GRIA3: variants seen among roughly 807,000 people sequenced by gnomAD.
GRIA3 encodes the protein glutamate receptor 3.
A neutral mutation model predicts 63.0 loss-of-function variants in GRIA3; 3 were observed. That is an observed-to-expected ratio of 0.05 (90% CI 0.02 to 0.12). The LOEUF (loss-of-function observed/expected upper bound fraction) is 0.12, where lower values mean the gene tolerates loss of function less well. Among genes scored for constraint, GRIA3 ranks in the 10% least tolerant of loss-of-function variants. The pLI is 1.00. For missense variants in GRIA3, 347 were observed against 700.9 expected, an observed-to-expected ratio of 0.50 and a Z score of 5.70; for synonymous variants, 274 against 257.9, an observed-to-expected ratio of 1.06 and a Z score of -0.60.
intron 2 of GRIA3, among the ~76,000 whole-genome samples, chrX:123,241,328 T>C (rs1423098737): frequency 9.0e-6 from 1 of 111,523 alleles, no homozygotes; most frequent in South Asian, 3.8e-4. Flanking sequence ...GTACAAAAAA[T>C]CAACAGCACA....
intron 11 of GRIA3, among the ~76,000 whole-genome samples, chrX:123,421,957 C>T (rs1413252129): frequency 2.7e-5 from 3 of 111,700 alleles, no homozygotes; most frequent in Non-Finnish European, 3.8e-5. Context: ...AAGGGAACAG[C>T]ACCCGAAGGA....
chrX:123,451,992 T>A (rs1168101529), intron 12 of GRIA3, among the ~76,000 whole-genome samples: 3 of 111,813 alleles, frequency 2.7e-5, no homozygotes, highest in Non-Finnish European at 5.6e-5. Flanking sequence ...GGAGATAATA[T>A]TGGTTTCACA....
chrX:123,219,914 T>G (rs1433482671), intron 2 of GRIA3, among the ~76,000 whole-genome samples: 1 of 112,625 alleles, frequency 8.9e-6, no homozygotes, highest in East Asian at 2.8e-4. Context: ...GTCAGTTCAC[T>G]CTGCCCCATG....
intron 10 of GRIA3, among the ~76,000 whole-genome samples, chrX:123,407,502 A>C (rs140917474): frequency 6.8e-4 from 75 of 110,823 alleles, no homozygotes; most frequent in Non-Finnish European, 1.0e-3. Context: ...TTTCAGGCTC[A>C]TAGATGGTAC....
chrX:123,306,875 T>A (rs1009039654), intron 3 of GRIA3, among the ~76,000 whole-genome samples: 3 of 111,690 alleles, frequency 2.7e-5, no homozygotes, highest in Non-Finnish European at 3.8e-5. Context: ...TGAAAATAAT[T>A]CTTCTTTGTC....
At chrX:123,224,006 C>A (rs751665624) in intron 2 of GRIA3, among the ~76,000 whole-genome samples, 60 of 111,694 alleles carry the variant, frequency 5.4e-4, no homozygotes, top group Non-Finnish European at 1.0e-3. Context: ...ATATTCACCA[C>A]TCTGCTGCAA....
At chrX:123,370,074 C>T (rs2045237858) in intron 5 of GRIA3, among the ~76,000 whole-genome samples, 1 of 111,479 alleles carries the variant, frequency 9.0e-6, no homozygotes, top group Admixed American at 9.6e-5. Context: ...TCAGTATTCG[C>T]ACCTACAATT....
intron 15 of GRIA3, 65 bp downstream of exon 15, chrX:123,483,111 C>CTTTTTTTTTTTTTTTTTTT: frequency 1.3e-6 from 1 of 741,868 alleles, no homozygotes; most frequent in Non-Finnish European, 2.0e-6. Context: ...TTTTTTTCTT[C>CTTTTTTTTTTTTTTTTTTT]TTTTTTTTTT....
chrX:123,489,082 TAC>T lies in GRIA3; in HGVS notation c.*406_*407del, dbSNP rs34745333. On this transcript the variant is annotated 3_prime_UTR_variant, in exon 16 of 16. Transcript: ENST00000620443. ...AGTATATAAACACCATGTTCTTTAATACACACACACACACACACACACACACA... is the reference window on the plus strand; with the variant it reads ...AGTATATAAACACCATGTTCTTTAATACACACACACACACACACACACACA... 2,346 of 94,117 alleles carry T rather than the reference TAC, an allele frequency of 0.025. 26 individuals are homozygous for T. The highest frequency in any genetic ancestry group is 0.063 in the Middle Eastern group (12 of 191). The allele number at this position is 94,117 out of a possible 1,213,427, so 7.8% of individuals were successfully genotyped here. A position where few individuals can be genotyped will look rare whatever the true frequency, so the allele number is the denominator to read the frequency against.
chrX:123,307,993 C>A lies in GRIA3; in HGVS notation c.509-18033C>A, dbSNP rs146892668. Among the ~76,000 whole-genome samples the A allele has an allele frequency of 1.4e-3, 160 of 111,435 alleles. 1 individual carries two copies. Among genetic ancestry groups the A allele is most frequent in the African/African-American group, 4.7e-3 (144 of 30,672 alleles). ...ACTTGCAACTCAGTATGTCCTAGAT[C>A]CATCTACATAAATTTTTCAGCATGT... is the stretch of plus-strand genomic sequence containing the variant. On this transcript the variant is annotated intron_variant, in intron 3 of 15. Transcript: ENST00000620443.
intron 4 of GRIA3, among the ~76,000 whole-genome samples, chrX:123,344,717 C>G (rs1252297261): frequency 9.0e-6 from 1 of 111,217 alleles, no homozygotes; most frequent in African/African-American, 3.3e-5. Context: ...TCCCAGGAGT[C>G]TGGGTGAATT....
chrX:123,473,491 G>C (rs1320650719), intron 13 of GRIA3, among the ~76,000 whole-genome samples: 1 of 112,008 alleles, frequency 8.9e-6, no homozygotes, highest in Non-Finnish European at 1.9e-5. Flanking sequence ...GTACATGCCT[G>C]TTATGTCCTG....
chrX:123,218,656 T>G (rs1039339263), intron 2 of GRIA3, among the ~76,000 whole-genome samples: 7 of 111,443 alleles, frequency 6.3e-5, no homozygotes, highest in African/African-American at 2.3e-4. Flanking sequence ...AAGAATACTG[T>G]GACCTCAAAT....
At chrX:123,240,338 CT>C (rs71816384) in intron 2 of GRIA3, among the ~76,000 whole-genome samples, 24,711 of 109,545 alleles carry the variant, frequency 0.23, 2,275 homozygotes, top group Non-Finnish European at 0.3. Flanking sequence ...TTTAACTTGC[CT>C]TTTTTTTTCC....
intron 12 of GRIA3, among the ~76,000 whole-genome samples, chrX:123,432,411 C>G (rs910694441): frequency 8.9e-6 from 1 of 112,251 alleles, no homozygotes; most frequent in African/African-American, 3.2e-5. Flanking sequence ...CCATAATGGA[C>G]AATTTTTCTC....
chrX:123,260,475 GGAAAGAAAGAAAGAAA>G (rs199705814), intron 3 of GRIA3, among the ~76,000 whole-genome samples: 8 of 6,610 alleles, frequency 1.2e-3, no homozygotes, highest in African/African-American at 2.9e-3. Context: ...GAAGAAGAAA[GGAAAGAAAGAAAGAAA>G]GAAAGAAAGA....
At chrX:123,221,010 G>A (rs909211925) in intron 2 of GRIA3, among the ~76,000 whole-genome samples, 10 of 112,109 alleles carry the variant, frequency 8.9e-5, no homozygotes, top group African/African-American at 3.2e-4. Context: ...CATGTTAAAT[G>A]ATATGGGATA....
chrX:123,440,446 T>C (rs776948026), intron 12 of GRIA3, among the ~76,000 whole-genome samples: 161 of 112,548 alleles, frequency 1.4e-3, no homozygotes, highest in African/African-American at 4.8e-3. Flanking sequence ...CTCTGCAACC[T>C]CACCAGCATC....
At chrX:123,197,816 C>T (rs1431978732) in intron 2 of GRIA3, among the ~76,000 whole-genome samples, 1 of 112,457 alleles carries the variant, frequency 8.9e-6, no homozygotes, top group Non-Finnish European at 1.9e-5. Flanking sequence ...GGGCAAGTTA[C>T]TTAACTTCAT....
Sources: allele counts gnomAD v4.1 joint callset (sites outside exome capture counted in the v4.1 genomes callset), GRCh38; gene constraint gnomAD v4.1.1; transcripts MANE v1.5; gene names NCBI Gene and HGNC (gene_info 2026-07-23, HGNC 2026-07-21).